The following TMEM132B variants were observed in gnomAD, a reference collection of about 807,000 sequenced individuals.
TMEM132B encodes transmembrane protein 132B.
Under a neutral mutation model 90.8 loss-of-function variants are expected in TMEM132B, and 18 were observed. That is an observed-to-expected ratio of 0.20 (90% CI 0.14 to 0.29). The LOEUF (loss-of-function observed/expected upper bound fraction) is 0.29. TMEM132B is among the 10% of genes least tolerant of loss of function. The probability of loss-of-function intolerance (pLI) is 1.00; values close to 1 mark genes in which losing one functional copy is unlikely to be tolerated. For synonymous variants in TMEM132B, 504 were observed against 523.3 expected, an observed-to-expected ratio of 0.96 and a Z score of 0.50; for missense variants, 1,096 against 1,326.8, an observed-to-expected ratio of 0.83 and a Z score of 2.70.
chr12:125,237,835 T>C (rs576441473), intron 1 of TMEM132B, among the ~76,000 whole-genome samples: 17 of 152,336 alleles, frequency 1.1e-4, no homozygotes, highest in Admixed American at 1.0e-3. Context: ...TGGCATCCCT[T>C]GTGCTTGGTG....
chr12:125,359,234 C>T (rs1201119985), intron 2 of TMEM132B, among the ~76,000 whole-genome samples: 1 of 152,190 alleles, frequency 6.6e-6, no homozygotes, highest in African/African-American at 2.4e-5. Context: ...TATGCTTCTA[C>T]AATCTATAAC....
intron 1 of TMEM132B, among the ~76,000 whole-genome samples, chr12:125,347,402 T>C (rs911482255): frequency 6.6e-6 from 1 of 152,212 alleles, no homozygotes; most frequent in South Asian, 2.1e-4. Context: ...GAATGCCTTC[T>C]TAGAAAAAGG....
intron 2 of TMEM132B, among the ~76,000 whole-genome samples, chr12:125,379,848 T>C (rs1466440274): frequency 6.6e-6 from 1 of 152,188 alleles, no homozygotes; most frequent in East Asian, 1.9e-4. Context: ...CATTTCCAAG[T>C]GCTGCCACTA....
At position 125,651,463 on chromosome 12, in the gene TMEM132B, A is replaced by T. The variant is rs115953944; in HGVS notation, c.1914+510A>T. Among the ~76,000 whole-genome samples the T allele has an allele frequency of 3.8e-3, 574 of 152,360 alleles. 7 individuals carry two copies. The highest frequency in any genetic ancestry group is 0.013 in the African/African-American group (535 of 41,584). ...TTCTAGCCAATTTGACAGGATAATT[A>T]TGCAGAAATGGTGCAGAATATTTCT... is the stretch of plus-strand genomic sequence containing the variant. On this transcript the variant is annotated intron_variant, in intron 7 of 8. Coordinates refer to ENST00000682704, the MANE Select transcript of TMEM132B (RefSeq NM_001366854.1).
intron 1 of TMEM132B, among the ~76,000 whole-genome samples, chr12:125,287,785 C>T (rs1875403774): frequency 6.6e-6 from 1 of 152,178 alleles, no homozygotes; most frequent in Non-Finnish European, 1.5e-5. Flanking sequence ...AGGGAACACA[C>T]TACTTACACT....
At chr12:125,554,731 A>G (rs987229646) in intron 4 of TMEM132B, among the ~76,000 whole-genome samples, 1 of 152,160 alleles carries the variant, frequency 6.6e-6, no homozygotes, top group African/African-American at 2.4e-5. Flanking sequence ...CTGTCCTCAC[A>G]TTCTCTTGGT....
chr12:125,484,193 C>A (rs1186954584), intron 3 of TMEM132B, among the ~76,000 whole-genome samples: 1 of 152,172 alleles, frequency 6.6e-6, no homozygotes, highest in Non-Finnish European at 1.5e-5. Context: ...AGCCACTGTG[C>A]CTTGCTTACA....
At position 125,407,515 on chromosome 12, in the gene TMEM132B, C is replaced by A. The variant is rs780832926; in HGVS notation, c.960-8016C>A. On this transcript the variant is annotated intron_variant, in intron 2 of 8. Coordinates refer to ENST00000682704, the MANE Select transcript of TMEM132B (RefSeq NM_001366854.1). The surrounding 1 kb of genome is among the most constrained non-coding windows in gnomAD (Gnocchi z 6.7). ...GATGGAGAAGGTGTGACCCCGTGCC[C>A]TGTCTGTCTGTCCCTGCTGGGTAGA... Among the ~76,000 whole-genome samples, 1 of 152,208 alleles carries A rather than the reference C, an allele frequency of 6.6e-6. No individual in the cohort carries two copies. Among genetic ancestry groups the A allele is most frequent in the Non-Finnish European group, 1.5e-5 (1 of 68,042 alleles).
chr12:125,642,020 G>C (rs1276514738), intron 5 of TMEM132B, among the ~76,000 whole-genome samples: 4 of 152,128 alleles, frequency 2.6e-5, no homozygotes, highest in Admixed American at 2.0e-4. Context: ...AGCAGGGTTG[G>C]GGGGACTTCC....
chr12:125,573,032 C>T (rs1277471092), intron 4 of TMEM132B, among the ~76,000 whole-genome samples: 1 of 152,178 alleles, frequency 6.6e-6, no homozygotes, highest in East Asian at 1.9e-4. Context: ...TCTGCCTCTA[C>T]AGGATATATC....
At chr12:125,328,910 AG>A (rs1876677079) in intron 1 of TMEM132B, among the ~76,000 whole-genome samples, 1 of 152,156 alleles carries the variant, frequency 6.6e-6, no homozygotes, top group African/African-American at 2.4e-5. Context: ...CTGTGAGGAC[AG>A]GGCTGCTTTG....
chr12:125,619,538 T>A (rs1301161183), intron 5 of TMEM132B, among the ~76,000 whole-genome samples: 1 of 152,024 alleles, frequency 6.6e-6, no homozygotes, highest in Non-Finnish European at 1.5e-5. Context: ...CTAATTTTTA[T>A]ACTTTCAGTA....
At chr12:125,309,910 G>A (rs547779495) in intron 1 of TMEM132B, among the ~76,000 whole-genome samples, 1 of 152,288 alleles carries the variant, frequency 6.6e-6, no homozygotes, top group South Asian at 2.1e-4. Context: ...GCTCAAAGGA[G>A]TCATCTCAGG....
At chr12:125,601,621 G>T (rs2136920463) in intron 5 of TMEM132B, among the ~76,000 whole-genome samples, 1 of 152,148 alleles carries the variant, frequency 6.6e-6, no homozygotes, top group South Asian at 2.1e-4. Flanking sequence ...GATCAGAGCA[G>T]AACTGAAGGA....
At chr12:125,547,504 T>G (rs951408746) in intron 4 of TMEM132B, among the ~76,000 whole-genome samples, 2 of 152,216 alleles carry the variant, frequency 1.3e-5, no homozygotes, top group Non-Finnish European at 2.9e-5. Flanking sequence ...AAAACTGAGC[T>G]TTGTCGATAA....
At chr12:125,623,931 C>CT (rs1437335125) in intron 5 of TMEM132B, among the ~76,000 whole-genome samples, 2 of 152,168 alleles carry the variant, frequency 1.3e-5, no homozygotes, top group Non-Finnish European at 2.9e-5. Flanking sequence ...GATCAGACCT[C>CT]TGAGTTCTCA....
intron 8 of TMEM132B, 60 bp downstream of exon 8, chr12:125,652,692 C>A: frequency 6.5e-7 from 1 of 1,537,916 alleles, no homozygotes; most frequent in Non-Finnish European, 8.8e-7. Context: ...TCTCAGTTAG[C>A]ACATCCTGCG....
At position 125,660,738 on chromosome 12, in the gene TMEM132B, A is replaced by G. The variant is rs966197912; in HGVS notation, c.*6028A>G. Reference sequence around the variant, plus strand: ...CAACTTACAATATTGGACAATCTTCATATTCTATGAGATGCCTTTAAAATT... The same window carrying G: ...CAACTTACAATATTGGACAATCTTCGTATTCTATGAGATGCCTTTAAAATT... On this transcript the variant is annotated 3_prime_UTR_variant, in exon 9 of 9. Coordinates refer to ENST00000682704, the MANE Select transcript of TMEM132B (RefSeq NM_001366854.1). The G allele has an allele frequency of 1.3e-5, 2 of 152,206 alleles. No homozygotes were observed. The highest frequency in any genetic ancestry group is 4.8e-5 in the African/African-American group (2 of 41,448). 9.4% of individuals were successfully genotyped at this position (152,206 alleles called of 1,614,324 possible).
intron 4 of TMEM132B, among the ~76,000 whole-genome samples, chr12:125,553,860 C>A (rs1884302094): frequency 6.6e-6 from 1 of 152,056 alleles, no homozygotes; most frequent in South Asian, 2.1e-4. Flanking sequence ...GTTTTAAGTA[C>A]AGGTGTCCTT....
Sources: allele counts gnomAD v4.1 joint callset (sites outside exome capture counted in the v4.1 genomes callset), GRCh38; gene constraint gnomAD v4.1.1; non-coding constraint Gnocchi (gnomAD v3.1); transcripts MANE v1.5; gene names NCBI Gene and HGNC (gene_info 2026-07-23, HGNC 2026-07-21).